CLIP2: variants seen among roughly 807,000 people sequenced by gnomAD.
CLIP2 encodes CAP-Gly domain-containing linker protein 2.
A neutral mutation model predicts 111.7 loss-of-function variants in CLIP2; 41 were observed. The observed-to-expected ratio is 0.37, with a 90% CI of 0.29 to 0.48. The LOEUF is 0.48. Ranked by LOEUF, CLIP2 falls within the 20% of genes least tolerant of loss-of-function variation. CLIP2 has a pLI of 0.99. For missense variants in CLIP2, 1,160 were observed against 1,422.1 expected, an observed-to-expected ratio of 0.82 and a Z score of 2.96; for synonymous variants, 660 against 644.2, an observed-to-expected ratio of 1.02 and a Z score of -0.37.
Position 74,376,770 on chromosome 7 carries a change from C to G in CLIP2, c.2369C>G (p.Ala790Gly). The G allele has an allele frequency of 6.2e-7, 1 of 1,611,274 alleles. No homozygotes were observed. The highest frequency in any genetic ancestry group is 1.7e-5 in the Admixed American group (1 of 59,536). The change falls in exon 10 of 17, where the codon GCT (alanine) becomes GGT (glycine). Residue 790 changes from alanine to glycine, a missense_variant. Physicochemically the swap from Ala to Gly is moderately conservative, Grantham distance 60 (BLOSUM62 0). Transcript: ENST00000223398. The surrounding 1 kb of genome is among the most constrained non-coding windows in gnomAD (Gnocchi z 7.1). ...AGTTTGCGGGAGAAGCTCCTGGTGGCTGAGAACAGACTCCAGGCGGTCGAG... is the reference window on the plus strand; with the variant it reads ...AGTTTGCGGGAGAAGCTCCTGGTGGGTGAGAACAGACTCCAGGCGGTCGAG... The part of the protein sequence containing the change: ...VESLREKLLV[A>G]ENRLQAVEAL...
At chr7:74,331,324 A>G (rs1408583849) in intron 2 of CLIP2, among the ~76,000 whole-genome samples, 1 of 150,692 alleles carries the variant, frequency 6.6e-6, no homozygotes, top group African/African-American at 2.4e-5. Context: ...GGGAAGGATG[A>G]GCCAGTAGAG....
At chr7:74,363,425 A>G (rs1790388975) in intron 7 of CLIP2, among the ~76,000 whole-genome samples, 1 of 152,178 alleles carries the variant, frequency 6.6e-6, no homozygotes, top group African/African-American at 2.4e-5. Flanking sequence ...TGGGCATTCC[A>G]CATCCAGGGG....
Position 74,356,474 on chromosome 7 carries a change from T to C in CLIP2, c.868T>C (p.Phe290Leu). ...CATCCACAAAGTGATCCGTATCGGC[T>C]TCCCATCTACCAGCCCAGCCAAGGC... ...APIHKVIRIGFPSTSPAKAKK... is the reference protein window; with the variant it reads ...APIHKVIRIGLPSTSPAKAKK... Residue 290 changes from phenylalanine (F) to leucine (L), a missense_variant, in exon 5 of 17, where the codon TTC (phenylalanine) becomes CTC (leucine). Phe to Leu is a conservative substitution (Grantham distance 22, BLOSUM62 0). Transcript: ENST00000223398. 6.2e-7 allele frequency: 1 copy of C among 1,614,198 alleles called. No individual in the cohort carries two copies. Among genetic ancestry groups the C allele is most frequent in the Non-Finnish European group, 8.5e-7 (1 of 1,180,044 alleles).
At chr7:74,381,489 T>C (rs1790946053) in intron 11 of CLIP2, 1 of 408,700 alleles carries the variant, frequency 2.4e-6, no homozygotes, top group African/African-American at 2.1e-5. Flanking sequence ...GCCTAGCTGG[T>C]TTAAACTTTA....
At chr7:74,359,295 T>C (rs887563562) in intron 6 of CLIP2, among the ~76,000 whole-genome samples, 2 of 147,878 alleles carry the variant, frequency 1.4e-5, no homozygotes, top group African/African-American at 5.0e-5. Context: ...TACATATCAC[T>C]GCAGTAAACT....
At chr7:74,295,894 C>G (rs577908893) in intron 1 of CLIP2, among the ~76,000 whole-genome samples, 1 of 140,376 alleles carries the variant, frequency 7.1e-6, no homozygotes. Flanking sequence ...GATGCTGAGG[C>G]AGGAGGATCT....
intron 2 of CLIP2, among the ~76,000 whole-genome samples, chr7:74,328,590 G>C (rs1554730912): frequency 6.6e-6 from 1 of 151,990 alleles, no homozygotes. Context: ...AGACACAGTG[G>C]GCCCCTTGAG....
chr7:74,338,572 C>T lies in CLIP2; in HGVS notation c.246C>T (p.Gly82=). 6.3e-7 allele frequency: 1 copy of T among 1,579,948 alleles called. No individual in the cohort carries two copies. Among genetic ancestry groups the T allele is most frequent in the Non-Finnish European group, 8.6e-7 (1 of 1,164,426 alleles). The change falls in exon 3 of 17, where the codon GGC becomes GGT. Residue 82 remains glycine (G), a synonymous_variant. Coordinates refer to ENST00000223398, the MANE Select transcript of CLIP2 (RefSeq NM_003388.5). This position sits in a 1 kb window ranked among gnomAD's most constrained non-coding sequence, Gnocchi z 4.3. ...GDDFLGDFVV[G]ERVWVNGVKP... Reference sequence around the variant, plus strand: ...ACTTCCTGGGGGACTTTGTGGTGGGCGAGCGGGTGTGGGTGAACGGCGTGA... The same window carrying T: ...ACTTCCTGGGGGACTTTGTGGTGGGTGAGCGGGTGTGGGTGAACGGCGTGA...
intron 15 of CLIP2, 95 bp from the exon 16 acceptor site, chr7:74,401,410 T>C (rs1041901487): frequency 8.1e-7 from 1 of 1,239,056 alleles, no homozygotes; most frequent in Non-Finnish European, 1.2e-6. Flanking sequence ...ATTTGGAGCC[T>C]GAGACGGTCC....
chr7:74,290,373 G>GT (rs1202083262), intron 1 of CLIP2, among the ~76,000 whole-genome samples: 2 of 152,260 alleles, frequency 1.3e-5, no homozygotes, highest in Non-Finnish European at 2.9e-5. Flanking sequence ...CTGGTGGCTG[G>GT]TGAGGCAGCA....
chr7:74,379,457 G>T (rs1790882453), intron 10 of CLIP2, among the ~76,000 whole-genome samples: 1 of 152,064 alleles, frequency 6.6e-6, no homozygotes, highest in South Asian at 2.1e-4. Context: ...TAGTAAATAT[G>T]GGAATTTTAA....
intron 8 of CLIP2, among the ~76,000 whole-genome samples, chr7:74,371,243 CAAA>C (rs781898485): frequency 1.6e-5 from 1 of 61,616 alleles, no homozygotes; most frequent in Non-Finnish European, 2.9e-5. Flanking sequence ...AACTATGCCT[CAAA>C]AAAAAAAAAA....
chr7:74,399,425 C>G (rs1324006097), intron 14 of CLIP2, among the ~76,000 whole-genome samples: 2 of 151,996 alleles, frequency 1.3e-5, no homozygotes, highest in African/African-American at 4.8e-5. Context: ...GCAGTATCAG[C>G]TACTCGGGAG....
At position 74,357,397 on chromosome 7, in the gene CLIP2, C is replaced by A. The variant is rs781844593; in HGVS notation, c.1135C>A (p.Arg379=). The change falls in exon 6 of 17, where the codon CGG becomes AGG. Residue 379 remains arginine (R), a synonymous_variant. Transcript: ENST00000223398. ...GCTGCTGGCTGAACGAGACCTGGAA[C>A]GGGCTGAGGTGGCCAAGGCCACAAG... ...EQLLAERDLE[R]AEVAKATSHI... The A allele has an allele frequency of 6.2e-7, 1 of 1,612,974 alleles. No individual in the cohort carries two copies. Among genetic ancestry groups the A allele is most frequent in the Admixed American group, 1.7e-5 (1 of 59,904 alleles).
At chr7:74,388,964 C>A in intron 12 of CLIP2, 139 bp from the exon 13 acceptor site, 6 of 1,035,574 alleles carry the variant, frequency 5.8e-6, no homozygotes, top group Non-Finnish European at 8.4e-6. Flanking sequence ...TCTAAAAAAA[C>A]CGTCAAAACT....
At chr7:74,366,749 G>T (rs573556891) in intron 8 of CLIP2, among the ~76,000 whole-genome samples, 1 of 152,060 alleles carries the variant, frequency 6.6e-6, no homozygotes, top group East Asian at 1.9e-4. Flanking sequence ...GGTGACGGGC[G>T]CCTCTAATCC....
intron 1 of CLIP2, among the ~76,000 whole-genome samples, chr7:74,310,339 A>G (rs1788610409): frequency 6.6e-6 from 1 of 152,006 alleles, no homozygotes; most frequent in Admixed American, 6.6e-5. Flanking sequence ...AGCTTTGGCA[A>G]CATAGTGAGA....
In CLIP2 at chr7:74,404,352, C is replaced by A; in HGVS notation, c.*504C>A. 6.2e-6 allele frequency: 1 copy of A among 161,322 alleles called. No homozygotes were observed. The highest frequency in any genetic ancestry group is 1.4e-5 in the Non-Finnish European group (1 of 73,172). The allele number at this position is 161,322 out of a possible 1,614,324, so 10.0% of individuals were successfully genotyped here. On this transcript the variant is annotated 3_prime_UTR_variant, in exon 17 of 17. Transcript: ENST00000223398. ...CCCCTTTTCCGAAGCCACTTCCAGGCCAAGGCAGTCGCCAGGGCTTCTTGT... is the reference window on the plus strand; with the variant it reads ...CCCCTTTTCCGAAGCCACTTCCAGGACAAGGCAGTCGCCAGGGCTTCTTGT...
In CLIP2 at chr7:74,291,016, C is replaced by T. The variant is rs3899067; in HGVS notation, c.-68+1282C>T. ...CTGCCAGGTTGCCTGAAGGGGGTTT[C>T]GTGCAGGAGAAATAGCGTGAATAAG... On this transcript the variant is annotated intron_variant, in intron 1 of 16. Coordinates refer to ENST00000223398, the MANE Select transcript of CLIP2 (RefSeq NM_003388.5). Among the ~76,000 whole-genome samples the T allele has an allele frequency of 7.3e-3, 1,115 of 152,232 alleles. 41 individuals are homozygous for T. The highest frequency in any genetic ancestry group is 0.067 in the Admixed American group (1,030 of 15,274).
Sources: gnomAD v4.1 joint callset for allele counts (sites outside exome capture counted in the v4.1 genomes callset) on GRCh38, gnomAD v4.1.1 for gene constraint, Gnocchi (gnomAD v3.1) non-coding constraint, MANE v1.5 for transcripts, NCBI Gene and HGNC (gene_info 2026-07-23, HGNC 2026-07-21) for gene names.